CNTNAP2: variants seen among roughly 807,000 people sequenced by gnomAD.
CNTNAP2 encodes contactin associated protein 2, also known as contactin-associated protein-like 2.
CNTNAP2 carries 98 observed loss-of-function variants against 155.2 expected under a neutral mutation model. The observed-to-expected ratio is 0.63, with a 90% CI of 0.54 to 0.75. CNTNAP2 has a LOEUF of 0.75. Ranked by LOEUF, CNTNAP2 falls within the 30% of genes least tolerant of loss-of-function variation. The pLI is 0.00. For missense variants in CNTNAP2, 1,727 were observed against 1,688.1 expected (o/e 1.02, Z -0.40); for synonymous variants, 651 against 631.2 (o/e 1.03, Z -0.47).
At chr7:146,693,831 C>T (rs1800737839) in intron 1 of CNTNAP2, among the ~76,000 whole-genome samples, 1 of 152,036 alleles carries the variant, frequency 6.6e-6, no homozygotes, top group South Asian at 2.1e-4. Context: ...AACCCAACAC[C>T]TAGGTATTAA....
intron 21 of CNTNAP2, among the ~76,000 whole-genome samples, chr7:148,337,840 C>T (rs1176987075): frequency 6.6e-6 from 1 of 152,188 alleles, no homozygotes; most frequent in Non-Finnish European, 1.5e-5. Context: ...AATCACATTC[C>T]CTATTGTACC....
At chr7:147,582,830 A>G (rs1800531108) in intron 12 of CNTNAP2, among the ~76,000 whole-genome samples, 1 of 152,198 alleles carries the variant, frequency 6.6e-6, no homozygotes, top group South Asian at 2.1e-4. Flanking sequence ...CTATAGCCAA[A>G]GCTACTAATA....
chr7:147,364,951 A>G (rs1234139311), intron 9 of CNTNAP2, among the ~76,000 whole-genome samples: 2 of 152,202 alleles, frequency 1.3e-5, no homozygotes, highest in African/African-American at 4.8e-5. Context: ...AGTTTATAAA[A>G]GAATTTGTAT....
intron 1 of CNTNAP2, among the ~76,000 whole-genome samples, chr7:146,173,956 C>T (rs779756845): frequency 6.6e-6 from 1 of 152,112 alleles, no homozygotes; most frequent in Non-Finnish European, 1.5e-5. Context: ...CCTGAAATCT[C>T]AATGCCTAGG....
chr7:147,627,983 T>A (rs547893458), intron 12 of CNTNAP2, among the ~76,000 whole-genome samples: 10 of 151,100 alleles, frequency 6.6e-5, no homozygotes, highest in African/African-American at 2.4e-4. Context: ...AATTTGGGAT[T>A]ATGTTAAATG....
intron 1 of CNTNAP2, among the ~76,000 whole-genome samples, chr7:146,190,955 A>C (rs1798694066): frequency 6.6e-6 from 1 of 152,176 alleles, no homozygotes; most frequent in Non-Finnish European, 1.5e-5. Flanking sequence ...AAATTACAAC[A>C]CAGCAAAATT....
In CNTNAP2 at chr7:146,116,812, C is replaced by G; in HGVS notation, c.-65C>G. ...GACAGCCCATCTCCCTTCAAGAACC[C>G]TACGGAGAGTCGGACTGCATCTCCG... On this transcript the variant is annotated 5_prime_UTR_variant, in exon 1 of 24. Coordinates refer to ENST00000361727, the MANE Select transcript of CNTNAP2 (RefSeq NM_014141.6). The surrounding 1 kb of genome is among the most constrained non-coding windows in gnomAD (Gnocchi z 5.5). 2.3e-6 allele frequency: 3 copies of G among 1,328,896 alleles called. No homozygotes were observed. The highest frequency in any genetic ancestry group is 2.6e-5 in the South Asian group (2 of 78,108). 82.3% of individuals were successfully genotyped at this position (1,328,896 alleles called of 1,614,324 possible).
intron 22 of CNTNAP2, among the ~76,000 whole-genome samples, chr7:148,393,132 TTC>T (rs1486729251): frequency 6.6e-6 from 1 of 151,838 alleles, no homozygotes; most frequent in Non-Finnish European, 1.5e-5. Context: ...ATATCATCTA[TTC>T]TGTTTTCTAC....
intron 13 of CNTNAP2, among the ~76,000 whole-genome samples, chr7:147,675,958 A>G (rs929626910): frequency 2.6e-5 from 4 of 152,114 alleles, no homozygotes; most frequent in African/African-American, 9.7e-5. Flanking sequence ...AGCTTCACAC[A>G]TGTTGTATTA....
chr7:147,599,806 A>C (rs1028645844), intron 12 of CNTNAP2, among the ~76,000 whole-genome samples: 3 of 152,140 alleles, frequency 2.0e-5, no homozygotes, highest in Non-Finnish European at 4.4e-5. Flanking sequence ...TTACTCTAAC[A>C]TGTTATCTTA....
chr7:147,824,217 G>A (rs776966398), intron 13 of CNTNAP2, among the ~76,000 whole-genome samples: 4 of 152,096 alleles, frequency 2.6e-5, no homozygotes, highest in Admixed American at 6.6e-5. Flanking sequence ...CCGGTTTCTG[G>A]AATTCTTAAG....
At chr7:147,731,364 A>G (rs1796735641) in intron 13 of CNTNAP2, among the ~76,000 whole-genome samples, 1 of 151,954 alleles carries the variant, frequency 6.6e-6, no homozygotes, top group African/African-American at 2.4e-5. Context: ...AAATCCTGAG[A>G]CTCTTAAGAG....
chr7:148,075,142 TA>T (rs905331001), intron 15 of CNTNAP2, among the ~76,000 whole-genome samples: 15 of 151,734 alleles, frequency 9.9e-5, no homozygotes, highest in African/African-American at 2.9e-4. Context: ...TGTTTCAGTA[TA>T]AAAAAAAATT....
chr7:148,337,401 G>T (rs1351591978), intron 21 of CNTNAP2, among the ~76,000 whole-genome samples: 1 of 152,168 alleles, frequency 6.6e-6, no homozygotes, highest in Non-Finnish European at 1.5e-5. Flanking sequence ...CTAGGCAGCT[G>T]AAAACAATCA....
chr7:146,349,270 G>T (rs1794875648), intron 1 of CNTNAP2, among the ~76,000 whole-genome samples: 1 of 138,312 alleles, frequency 7.2e-6, no homozygotes, highest in South Asian at 2.1e-4. Context: ...ATACATAGGT[G>T]TCCGGTACTA....
intron 1 of CNTNAP2, among the ~76,000 whole-genome samples, chr7:146,424,175 A>C (rs1796053983): frequency 6.6e-6 from 1 of 152,196 alleles, no homozygotes; most frequent in Non-Finnish European, 1.5e-5. Context: ...AGTGGGATTC[A>C]TCTGCCTCGA....
At chr7:147,568,126 G>A (rs1181284330) in intron 12 of CNTNAP2, among the ~76,000 whole-genome samples, 1 of 151,870 alleles carries the variant, frequency 6.6e-6, no homozygotes. Flanking sequence ...CTTTGTCTCG[G>A]GTTTCTTGTA....
chr7:147,668,657 G>T (rs1167368016), intron 13 of CNTNAP2, among the ~76,000 whole-genome samples: 9 of 151,814 alleles, frequency 5.9e-5, no homozygotes, highest in African/African-American at 2.2e-4. Flanking sequence ...AAATCTTAAG[G>T]TAAGGATATA....
At chr7:147,124,397 ACCAGCTCTCT>A (rs1801190274) in intron 6 of CNTNAP2, among the ~76,000 whole-genome samples, 1 of 152,160 alleles carries the variant, frequency 6.6e-6, no homozygotes, top group Non-Finnish European at 1.5e-5. Context: ...ATGCTTAACA[ACCAGCTCTCT>A]CCAGGGAGGA....
Sources: gnomAD v4.1 joint callset for allele counts (sites outside exome capture counted in the v4.1 genomes callset) on GRCh38, gnomAD v4.1.1 for gene constraint, Gnocchi (gnomAD v3.1) non-coding constraint, MANE v1.5 for transcripts, NCBI Gene and HGNC (gene_info 2026-07-23, HGNC 2026-07-21) for gene names.